FRMPD4: variants seen among roughly 807,000 people sequenced by gnomAD.
FRMPD4 encodes FERM and PDZ domain-containing protein 4.
FRMPD4 carries 22 observed loss-of-function variants against 94.1 expected under a neutral mutation model. The ratio of observed to expected loss-of-function variants is 0.23; its 90% CI spans 0.17 to 0.33. The LOEUF is 0.33. FRMPD4 is among the 10% of genes least tolerant of loss of function. FRMPD4 has a pLI of 1.00. For missense variants in FRMPD4, 1,111 were observed against 1,339.9 expected (o/e 0.83, Z 2.67); for synonymous variants, 631 against 548.6 (o/e 1.15, Z -2.10).
chrX:11,874,149 T>A (rs1234554349), intron 2 of FRMPD4, among the ~76,000 whole-genome samples: 1 of 112,530 alleles, frequency 8.9e-6, no homozygotes, highest in African/African-American at 3.2e-5. Flanking sequence ...CAATACAGTA[T>A]AACAACTATT....
At chrX:12,464,216 G>A (rs780435231) in intron 1 of FRMPD4, among the ~76,000 whole-genome samples, 7 of 111,611 alleles carry the variant, frequency 6.3e-5, no homozygotes, top group Non-Finnish European at 1.3e-4. Flanking sequence ...GCAACTTAAC[G>A]TTCTGAGACA....
chrX:11,908,246 C>A (rs928779667), intron 3 of FRMPD4, among the ~76,000 whole-genome samples: 2 of 112,032 alleles, frequency 1.8e-5, no homozygotes, highest in African/African-American at 6.5e-5. Flanking sequence ...GTCTTCCTTG[C>A]ATGTGCAAGG....
chrX:12,647,205 C>G (rs113449828), intron 4 of FRMPD4, among the ~76,000 whole-genome samples: 2 of 112,023 alleles, frequency 1.8e-5, no homozygotes, highest in African/African-American at 6.5e-5. Flanking sequence ...CAAGCCAACT[C>G]TGACACAAGG....
At chrX:12,347,363 A>G (rs930766714) in intron 1 of FRMPD4, among the ~76,000 whole-genome samples, 2 of 110,227 alleles carry the variant, frequency 1.8e-5, no homozygotes, top group Non-Finnish European at 3.8e-5. Flanking sequence ...TCAGCCTCTC[A>G]AGTAGCTAGG....
Position 12,223,962 on chromosome X carries a change from G to A in FRMPD4, c.41+84950G>A, listed in dbSNP as rs936472757. ...TTTAGCGTCGAGTTTATCAGCCTCAGCACTATTGACATTTTGAACATTCTT... is the reference window on the plus strand; with the variant it reads ...TTTAGCGTCGAGTTTATCAGCCTCAACACTATTGACATTTTGAACATTCTT... On this transcript the variant is annotated intron_variant, in intron 1 of 16. Transcript: ENST00000675598. 8.1e-5 allele frequency among the ~76,000 whole-genome samples: 9 copies of A among 110,603 alleles called. No homozygotes were observed. The East Asian group carries it at 2.6e-3, about 31-fold the overall frequency.
chrX:12,305,666 T>C lies in FRMPD4; in HGVS notation c.41+166654T>C, dbSNP rs762829932. ...TCTAATCACTGAGCTGAGGCGATCC[T>C]CTTTCTTCAGCCTCCTTAGTAGCTG... On this transcript the variant is annotated intron_variant, in intron 1 of 16. Coordinates refer to ENST00000675598, the MANE Select transcript of FRMPD4 (RefSeq NM_001368397.1). 2.9e-5 allele frequency among the ~76,000 whole-genome samples: 3 copies of C among 105,238 alleles called. No individual in the cohort carries two copies. In the South Asian group the frequency reaches 1.4e-3, roughly 48 times the overall value. The allele number at this position is 105,238 out of a possible 115,157, so 91.4% of individuals were successfully genotyped here.
At chrX:11,966,410 A>G (rs2054309741) in intron 3 of FRMPD4, among the ~76,000 whole-genome samples, 1 of 111,574 alleles carries the variant, frequency 9.0e-6, no homozygotes, top group Admixed American at 9.5e-5. Context: ...CCAAACACTT[A>G]ATCTGTTGGT....
chrX:12,668,127 T>C (rs888119437), intron 4 of FRMPD4, among the ~76,000 whole-genome samples: 4 of 112,096 alleles, frequency 3.6e-5, no homozygotes, highest in African/African-American at 1.3e-4. Flanking sequence ...CTGATTCTAA[T>C]CATTCTGTTG....
chrX:12,495,118 A>G, intron 1 of FRMPD4: 1 of 293,488 alleles, frequency 3.4e-6, no homozygotes, highest in Non-Finnish European at 4.6e-6. Context: ...GGCTGAACTC[A>G]TCACCTTCTG....
intron 3 of FRMPD4, among the ~76,000 whole-genome samples, chrX:11,974,777 C>A (rs1660625981): frequency 9.0e-6 from 1 of 111,344 alleles, no homozygotes; most frequent in African/African-American, 3.3e-5. Context: ...GGGCTTGTGG[C>A]TGGAGTAGAA....
At chrX:11,987,097 T>TCAAAAAAAAAAAAAAAAAAAA (rs1569137639) in intron 3 of FRMPD4, among the ~76,000 whole-genome samples, 6 of 14,642 alleles carry the variant, frequency 4.1e-4, no homozygotes, top group African/African-American at 2.9e-3. Context: ...CAAAGACACA[T>TCAAAAAAAAAAAAAAAAAAAA]TAAAAAAAAA....
intron 3 of FRMPD4, among the ~76,000 whole-genome samples, chrX:12,071,351 G>A (rs1468159552): frequency 3.6e-5 from 4 of 111,136 alleles, no homozygotes; most frequent in African/African-American, 1.3e-4. Context: ...CATATCAGCG[G>A]AAATGGTCTC....
At chrX:12,003,180 G>C (rs1037863550) in intron 3 of FRMPD4, among the ~76,000 whole-genome samples, 1 of 111,765 alleles carries the variant, frequency 8.9e-6, no homozygotes, top group Non-Finnish European at 1.9e-5. Context: ...AGCCTGGTAG[G>C]GGAAGAGAGT....
intron 1 of FRMPD4, among the ~76,000 whole-genome samples, chrX:12,442,852 T>C (rs184995542): frequency 8.9e-6 from 1 of 111,829 alleles, no homozygotes; most frequent in Non-Finnish European, 1.9e-5. Context: ...AAGTGATGAA[T>C]GATAAAGAAA....
Position 12,392,420 on chromosome X carries a change from G to A in FRMPD4, c.42-106260G>A, listed in dbSNP as rs746184479. Among the ~76,000 whole-genome samples the A allele has an allele frequency of 1.8e-4, 19 of 106,273 alleles. No individual in the cohort carries two copies. In the East Asian group the frequency reaches 3.4e-3, roughly 19 times the overall value. 92.3% of individuals were successfully genotyped at this position (106,273 alleles called of 115,157 possible). ...AATCCCAGCACTTTGGGAGGCTGAG[G>A]TGGGCAGATCACCTGAGTTCAGGAG... On this transcript the variant is annotated intron_variant, in intron 1 of 16. Transcript: ENST00000675598.
chrX:12,471,316 AG>A lies in FRMPD4; in HGVS notation c.42-27363del, dbSNP rs1398233052. ...AAAGAGGCTCAAAAATTAAACACAA[AG>A]CCTGTTTTTCAAGTGCTTATAAGTA... On this transcript the variant is annotated intron_variant, in intron 1 of 16. Coordinates refer to ENST00000675598, the MANE Select transcript of FRMPD4 (RefSeq NM_001368397.1). 1.7e-4 allele frequency among the ~76,000 whole-genome samples: 19 copies of A among 112,337 alleles called. No homozygotes were observed. In the East Asian group the frequency reaches 5.0e-3, roughly 30 times the overall value.
chrX:12,190,295 A>T (rs990797778), intron 1 of FRMPD4, among the ~76,000 whole-genome samples: 6 of 111,386 alleles, frequency 5.4e-5, no homozygotes, highest in Non-Finnish European at 7.6e-5. Context: ...GATTTAATCT[A>T]TGGGTTCAAT....
intron 9 of FRMPD4, among the ~76,000 whole-genome samples, chrX:12,696,016 G>A (rs1295647552): frequency 1.8e-5 from 2 of 112,394 alleles, no homozygotes; most frequent in African/African-American, 3.2e-5. Flanking sequence ...AATTATAGGC[G>A]TGAGCCACCG....
chrX:12,305,725 G>GTTTTTTTTTTT lies in FRMPD4; in HGVS notation c.41+166725_41+166735dup, dbSNP rs58794898. 1.2e-3 allele frequency among the ~76,000 whole-genome samples: 74 copies of GTTTTTTTTTTT among 59,697 alleles called. 6 individuals are homozygous for GTTTTTTTTTTT. The highest frequency in any genetic ancestry group is 8.9e-3 in the Middle Eastern group (1 of 112). 51.8% of individuals were successfully genotyped at this position (59,697 alleles called of 115,157 possible). ...GGCATGTACCACCACAGCTGGCTAA[G>GTTTTTTTTTTT]TTTTTTTTTTTTTTTTTTTTTTACA... is the stretch of plus-strand genomic sequence containing the variant. On this transcript the variant is annotated intron_variant, in intron 1 of 16. Coordinates refer to ENST00000675598, the MANE Select transcript of FRMPD4 (RefSeq NM_001368397.1).
Sources: gnomAD v4.1 joint callset for allele counts (sites outside exome capture counted in the v4.1 genomes callset) on GRCh38, gnomAD v4.1.1 for gene constraint, MANE v1.5 for transcripts, NCBI Gene and HGNC (gene_info 2026-07-23, HGNC 2026-07-21) for gene names.